Variants in OSBPL1A observed in about 807,000 individuals in gnomAD.
The protein encoded by OSBPL1A is oxysterol binding protein like 1A.
In OSBPL1A, 80 loss-of-function variants were observed where a neutral mutation model predicts 137.1. The ratio of observed to expected loss-of-function variants is 0.58; its 90% CI spans 0.49 to 0.70. The LOEUF (loss-of-function observed/expected upper bound fraction) is 0.70, where lower values mean the gene tolerates loss of function less well. Among genes scored for constraint, OSBPL1A ranks in the 30% least tolerant of loss-of-function variants. The pLI is 0.00. For synonymous variants in OSBPL1A, 365 were observed against 389.7 expected, an observed-to-expected ratio of 0.94 and a Z score of 0.75; for missense variants, 970 against 1,129.4, an observed-to-expected ratio of 0.86 and a Z score of 2.02.
chr18:24,397,062 T>C (rs1194981210), intron 1 of OSBPL1A, among the ~76,000 whole-genome samples: 1 of 152,308 alleles, frequency 6.6e-6, no homozygotes, highest in Admixed American at 6.5e-5. Context: ...AACTGAAAAC[T>C]AATACTAAAT....
At chr18:24,180,052 A>G (rs1022280598) in intron 19 of OSBPL1A, among the ~76,000 whole-genome samples, 2 of 152,216 alleles carry the variant, frequency 1.3e-5, no homozygotes, top group African/African-American at 2.4e-5. Context: ...ATTCCCAACC[A>G]TGGTTTTCAT....
At chr18:24,329,936 A>AT (rs1018813339) in intron 7 of OSBPL1A, among the ~76,000 whole-genome samples, 1 of 152,178 alleles carries the variant, frequency 6.6e-6, no homozygotes, top group African/African-American at 2.4e-5. Flanking sequence ...AATTGAATGT[A>AT]TTTTTTTATC....
intron 2 of OSBPL1A, among the ~76,000 whole-genome samples, chr18:24,368,942 C>T (rs566396281): frequency 1.3e-5 from 2 of 152,210 alleles, no homozygotes; most frequent in East Asian, 3.9e-4. Context: ...GGGCGGATTT[C>T]CCTCTTGCTA....
In OSBPL1A at chr18:24,323,552, T is replaced by C. The variant is rs1325831692; in HGVS notation, c.626-4743A>G. On this transcript the variant is annotated intron_variant, in intron 7 of 27. Transcript: ENST00000319481. ...GTGAGGCTTTTTCTTTTTTTTTTTT[T>C]TTTTTTTTTATTATACTCTAAGTTT... 8.7e-5 allele frequency among the ~76,000 whole-genome samples: 5 copies of C among 57,176 alleles called. No homozygotes were observed. In the East Asian group the frequency reaches 1.2e-3, roughly 14 times the overall value. 37.5% of individuals were successfully genotyped at this position (57,176 alleles called of 152,430 possible).
At chr18:24,302,774 T>C (rs1412860020) in intron 14 of OSBPL1A, 2 of 152,058 alleles carry the variant, frequency 1.3e-5, no homozygotes, top group African/African-American at 4.8e-5. Context: ...AATGAAGACA[T>C]AAAAAGTTAT....
intron 18 of OSBPL1A, among the ~76,000 whole-genome samples, chr18:24,186,121 A>C (rs1434074944): frequency 6.6e-6 from 1 of 152,214 alleles, no homozygotes; most frequent in Admixed American, 6.5e-5. Flanking sequence ...ATACTTTAGG[A>C]AAGATCAAAT....
At chr18:24,385,367 G>A (rs1160047847) in intron 1 of OSBPL1A, among the ~76,000 whole-genome samples, 1 of 151,700 alleles carries the variant, frequency 6.6e-6, no homozygotes, top group East Asian at 1.9e-4. Flanking sequence ...TTCCAACCTG[G>A]GTAACAGAAG....
intron 7 of OSBPL1A, among the ~76,000 whole-genome samples, chr18:24,323,539 C>CTTTTTTTTTTTTTTTT (rs763234169): frequency 1.4e-4 from 5 of 35,152 alleles, no homozygotes; most frequent in African/African-American, 3.9e-4. Context: ...GAGGCTTTTT[C>CTTTTTTTTTTTTTTTT]TTTTTTTTTT....
chr18:24,327,702 C>T (rs2091006133), intron 7 of OSBPL1A, among the ~76,000 whole-genome samples: 1 of 152,140 alleles, frequency 6.6e-6, no homozygotes, highest in African/African-American at 2.4e-5. Flanking sequence ...AGCCACCACT[C>T]CTGGCCTGAT....
At chr18:24,210,159 G>C (rs2087490464) in intron 17 of OSBPL1A, among the ~76,000 whole-genome samples, 1 of 152,174 alleles carries the variant, frequency 6.6e-6, no homozygotes, top group African/African-American at 2.4e-5. Context: ...AGGTGCAGTG[G>C]CTCACGCCTG....
At position 24,309,709 on chromosome 18, in the gene OSBPL1A, T is replaced by C. The variant is rs113748439; in HGVS notation, c.1092+2275A>G. 5.8e-4 allele frequency among the ~76,000 whole-genome samples: 89 copies of C among 152,234 alleles called. 1 individual carries two copies. The highest frequency in any genetic ancestry group is 3.4e-3 in the Middle Eastern group (1 of 294). Reference sequence around the variant, plus strand: ...CACACTTCAAAGCTCATTTTGGATTTTACCTATTTTGAACCAGTCTCCAGA... The same window carrying C: ...CACACTTCAAAGCTCATTTTGGATTCTACCTATTTTGAACCAGTCTCCAGA... On this transcript the variant is annotated intron_variant, in intron 13 of 27. Transcript: ENST00000319481.
chr18:24,179,698 T>A, intron 20 of OSBPL1A, 40 bp downstream of exon 20: 1 of 1,516,284 alleles, frequency 6.6e-7, no homozygotes, highest in Non-Finnish European at 9.2e-7. Flanking sequence ...CTCCTCTTCA[T>A]CTGCAACGCT....
rs1186953169 is a variant in OSBPL1A, at chr18:24,280,953, A to C, written c.1175-5T>G. ...GAAGAAATGATGGAAGCATTTCTAT[A>C]AAGAAAAAAATAAATACAGTGAGTC... On this transcript the variant is annotated splice_polypyrimidine_tract_variant and splice_region_variant and intron_variant, in intron 14 of 27. Coordinates refer to ENST00000319481, the MANE Select transcript of OSBPL1A (RefSeq NM_080597.4). The C allele has an allele frequency of 6.3e-7, 1 of 1,575,898 alleles. No homozygotes were observed. The highest frequency in any genetic ancestry group is 1.2e-5 in the South Asian group (1 of 85,808).
chr18:24,385,428 G>C (rs1484697015), intron 1 of OSBPL1A, among the ~76,000 whole-genome samples: 1 of 152,048 alleles, frequency 6.6e-6, no homozygotes, highest in African/African-American at 2.4e-5. Context: ...TAAATAGTGG[G>C]AGTTATCATC....
At chr18:24,238,397 C>CA (rs2088567943) in intron 16 of OSBPL1A, among the ~76,000 whole-genome samples, 1 of 152,194 alleles carries the variant, frequency 6.6e-6, no homozygotes, top group Non-Finnish European at 1.5e-5. Flanking sequence ...ACACCTGCCT[C>CA]AAAAAATTTG....
At chr18:24,318,535 A>C in intron 9 of OSBPL1A, 66 bp downstream of exon 9, 1 of 1,352,586 alleles carries the variant, frequency 7.4e-7, no homozygotes, top group Non-Finnish European at 1.0e-6. Flanking sequence ...AAAAGTTTTA[A>C]ACAGAAATAG....
chr18:24,272,003 G>A, intron 15 of OSBPL1A: 3 of 981,414 alleles, frequency 3.1e-6, no homozygotes, highest in Non-Finnish European at 3.6e-6. Context: ...GGCAAGGCCT[G>A]CGGCGGGCGG....
intron 16 of OSBPL1A, among the ~76,000 whole-genome samples, chr18:24,233,666 TCAGA>T (rs1016584196): frequency 8.5e-5 from 13 of 152,306 alleles, no homozygotes; most frequent in Admixed American, 3.9e-4. Flanking sequence ...TTTCTTTCTT[TCAGA>T]CAGAGTCTCG....
At chr18:24,352,283 C>A (rs1237196129) in intron 4 of OSBPL1A, among the ~76,000 whole-genome samples, 3 of 152,036 alleles carry the variant, frequency 2.0e-5, no homozygotes, top group Admixed American at 6.6e-5. Context: ...GCCTGGGTGA[C>A]AGAGTGAGAC....
Sources: gnomAD v4.1 joint callset for allele counts (sites outside exome capture counted in the v4.1 genomes callset) on GRCh38, gnomAD v4.1.1 for gene constraint, MANE v1.5 for transcripts, NCBI Gene and HGNC (gene_info 2026-07-23, HGNC 2026-07-21) for gene names.